PGD: variants seen among roughly 807,000 people sequenced by gnomAD.
The protein encoded by PGD is phosphogluconate dehydrogenase, also known as 6-phosphogluconate dehydrogenase, decarboxylating.
PGD carries 21 observed loss-of-function variants against 60.4 expected under a neutral mutation model. The observed-to-expected ratio is 0.35, with a 90% CI of 0.25 to 0.50. The LOEUF (loss-of-function observed/expected upper bound fraction) is 0.50. Ranked by LOEUF, PGD falls within the 20% of genes least tolerant of loss-of-function variation. PGD has a pLI of 0.98. For synonymous variants in PGD, 230 were observed against 235.9 expected, an observed-to-expected ratio of 0.97 and a Z score of 0.23; for missense variants, 477 against 613.1, an observed-to-expected ratio of 0.78 and a Z score of 2.34.
At position 10,419,698 on chromosome 1, in the gene PGD, C is replaced by G; in HGVS notation, c.1401C>G (p.Thr467=). The part of the protein sequence containing the change: ...LLAKPGQFIH[T]NWTGHGGTVS... ...CCAAACCAGGGCAGTTTATCCACAC[C>G]AACTGGACAGGCCATGGTGGCACCG... Residue 467 remains threonine, a synonymous_variant, in exon 13 of 13, where the codon ACC becomes ACG. Coordinates refer to ENST00000270776, the MANE Select transcript of PGD (RefSeq NM_002631.4). The G allele has an allele frequency of 6.2e-7, 1 of 1,614,184 alleles. No individual in the cohort carries two copies. Among genetic ancestry groups the G allele is most frequent in the Non-Finnish European group, 8.5e-7 (1 of 1,180,010 alleles).
intron 6 of PGD, among the ~76,000 whole-genome samples, chr1:10,409,924 G>A (rs979435408): frequency 1.5e-4 from 23 of 151,978 alleles, no homozygotes; most frequent in Non-Finnish European, 7.4e-5. Flanking sequence ...CCAAAGTGTT[G>A]GGATTATAGG....
chr1:10,411,732 A>T (rs2236678), intron 7 of PGD, among the ~76,000 whole-genome samples, 180 bp downstream of exon 7: 50,201 of 152,022 alleles, frequency 0.33, 8,429 homozygotes, highest in Middle Eastern at 0.38. Flanking sequence ...GTCACTAAGC[A>T]GAAAGTCCCC....
At chr1:10,400,219 CTACTGAGGTGACA>C (rs1327191467) in intron 2 of PGD, among the ~76,000 whole-genome samples, 161 bp from the exon 3 acceptor site, 2 of 152,160 alleles carry the variant, frequency 1.3e-5, no homozygotes, top group African/African-American at 4.8e-5. Flanking sequence ...CGTTTTCATC[CTACTGAGGTGACA>C]TAACTTTACA....
chr1:10,399,864 G>A, intron 2 of PGD, 160 bp downstream of exon 2: 1 of 653,772 alleles, frequency 1.5e-6, no homozygotes, highest in Non-Finnish European at 2.7e-6. Context: ...CACCCTGTAG[G>A]CGTGGGCGGG....
intron 7 of PGD, 117 bp from the exon 8 acceptor site, chr1:10,412,945 A>G (rs1639522730): frequency 1.3e-6 from 1 of 782,732 alleles, no homozygotes; most frequent in South Asian, 1.7e-5. Context: ...CCCCAGGCAG[A>G]CGCGAGCAGA....
chr1:10,418,098 T>G lies in PGD; in HGVS notation c.1109+589T>G, dbSNP rs183807720. On this transcript the variant is annotated intron_variant, in intron 10 of 12. Coordinates refer to ENST00000270776, the MANE Select transcript of PGD (RefSeq NM_002631.4). ...GCCTTGCCTCTTGGGAATTTTGCTC[T>G]GTATTTTCATTGAAAATGCCAAATC... is the stretch of plus-strand genomic sequence containing the variant. Among the ~76,000 whole-genome samples the G allele has an allele frequency of 1.4e-3, 219 of 152,374 alleles. 1 individual carries two copies. Among genetic ancestry groups the G allele is most frequent in the African/African-American group, 4.4e-3 (183 of 41,590 alleles).
At chr1:10,406,240 C>T (rs747874034) in intron 5 of PGD, among the ~76,000 whole-genome samples, 1 of 152,068 alleles carries the variant, frequency 6.6e-6, no homozygotes, top group Non-Finnish European at 1.5e-5. Flanking sequence ...AGTAGAGAGG[C>T]CTTTCTGCTT....
intron 3 of PGD, among the ~76,000 whole-genome samples, chr1:10,401,447 A>G (rs1335157436): frequency 6.6e-6 from 1 of 152,204 alleles, no homozygotes; most frequent in South Asian, 2.1e-4. Flanking sequence ...AGCTCAGGGG[A>G]GGCTGAGCAT....
intron 5 of PGD, among the ~76,000 whole-genome samples, chr1:10,405,845 G>GA (rs925011370): frequency 6.6e-6 from 1 of 151,808 alleles, no homozygotes; most frequent in Non-Finnish European, 1.5e-5. Context: ...CAGTAAAAAA[G>GA]AAAAAATGAT....
intron 8 of PGD, among the ~76,000 whole-genome samples, chr1:10,416,560 T>G: frequency 6.6e-6 from 1 of 152,180 alleles, no homozygotes; most frequent in East Asian, 1.9e-4. Context: ...CAAACAGGCT[T>G]TGTGTGAGCA....
chr1:10,399,170 G>A, intron 1 of PGD, 45 bp downstream of exon 1: 1 of 1,604,206 alleles, frequency 6.2e-7, no homozygotes, highest in Non-Finnish European at 8.5e-7. Flanking sequence ...TCAGCGGGCG[G>A]GGAACTCTTT....
At chr1:10,402,441 C>T (rs368360497) in intron 3 of PGD, among the ~76,000 whole-genome samples, 6 of 151,648 alleles carry the variant, frequency 4.0e-5, no homozygotes, top group South Asian at 4.2e-4. Flanking sequence ...AGGCTGGGTG[C>T]GTTGGCCTCC....
intron 5 of PGD, 32 bp from the exon 6 acceptor site, chr1:10,408,039 C>T (rs1204544029): frequency 7.3e-7 from 1 of 1,378,336 alleles, no homozygotes; most frequent in Admixed American, 1.7e-5. Flanking sequence ...CGTCTCTTCT[C>T]ATTAACTGAA....
At chr1:10,405,063 A>T (rs1298327042) in intron 5 of PGD, among the ~76,000 whole-genome samples, 5 of 152,212 alleles carry the variant, frequency 3.3e-5, no homozygotes, top group Non-Finnish European at 7.3e-5. Flanking sequence ...AAAGTAAAAC[A>T]AACATTTTTT....
At chr1:10,410,650 TC>T (rs1639484904) in intron 6 of PGD, among the ~76,000 whole-genome samples, 1 of 152,028 alleles carries the variant, frequency 6.6e-6, no homozygotes, top group Non-Finnish European at 1.5e-5. Flanking sequence ...CTCCCTTTGT[TC>T]CAGTTCTTGA....
chr1:10,402,308 G>C (rs1249140572), intron 3 of PGD, among the ~76,000 whole-genome samples: 1 of 151,852 alleles, frequency 6.6e-6, no homozygotes, highest in African/African-American at 2.4e-5. Flanking sequence ...GGGCTCAAGC[G>C]ATCCTCCTGC....
chr1:10,415,170 C>T (rs1451312086), intron 8 of PGD: 3 of 152,058 alleles, frequency 2.0e-5, no homozygotes, highest in Non-Finnish European at 4.4e-5. Flanking sequence ...TTGCCTTTCT[C>T]TCCCTTGACT....
At chr1:10,403,446 C>G (rs1639348933) in intron 4 of PGD, among the ~76,000 whole-genome samples, 1 of 152,008 alleles carries the variant, frequency 6.6e-6, no homozygotes, top group East Asian at 1.9e-4. Flanking sequence ...AAAAAATTAG[C>G]CTGGCATGGT....
chr1:10,402,959 C>T lies in PGD; in HGVS notation c.265-112C>T, dbSNP rs1454425896. 5.1e-6 allele frequency: 4 copies of T among 779,352 alleles called. No individual in the cohort carries two copies. The Admixed American group carries it at 7.8e-5, about 15-fold the overall frequency. The allele number at this position is 779,352 out of a possible 1,614,324, so 48.3% of individuals were successfully genotyped here. A position where few individuals can be genotyped will look rare whatever the true frequency, so the allele number is the denominator to read the frequency against. On this transcript the variant is annotated intron_variant, in intron 3 of 12. Transcript: ENST00000270776. Reference sequence around the variant, plus strand: ...CACTCCTGCATTCCAAGCTGGGCAACAGAACGAGACTCTTTTTAGACTATG... The same window carrying T: ...CACTCCTGCATTCCAAGCTGGGCAATAGAACGAGACTCTTTTTAGACTATG...
Sources: gnomAD v4.1 joint callset for allele counts (sites outside exome capture counted in the v4.1 genomes callset) on GRCh38, gnomAD v4.1.1 for gene constraint, MANE v1.5 for transcripts, NCBI Gene and HGNC (gene_info 2026-07-23, HGNC 2026-07-21) for gene names.